ESR2: variants seen among roughly 807,000 people sequenced by gnomAD.
ESR2 encodes estrogen receptor 2.
In ESR2, 36 loss-of-function variants were observed where a neutral mutation model predicts 49.6. The ratio of observed to expected loss-of-function variants is 0.73; its 90% CI spans 0.56 to 0.96. ESR2 has a LOEUF of 0.96. Ranked by LOEUF, ESR2 falls within the 40% of genes least tolerant of loss-of-function variation. The pLI is 0.00. For synonymous variants in ESR2, 320 were observed against 266.1 expected (o/e 1.20, Z -1.97); for missense variants, 714 against 693.0 (o/e 1.03, Z -0.34).
At chr14:64,247,658 A>T (rs72548756) in intron 7 of ESR2, among the ~76,000 whole-genome samples, 1,822 of 152,322 alleles carry the variant, frequency 0.012, 19 homozygotes, top group Middle Eastern at 0.02. Flanking sequence ...GAAGAAAAAA[A>T]GTCAATAACC....
chr14:64,270,025 A>G lies in ESR2; in HGVS notation c.536-1114T>C, dbSNP rs574965342. On this transcript the variant is annotated intron_variant, in intron 3 of 8. Transcript: ENST00000341099. ...GGTTTGAGAAAGGGTTAAGAAATAG[A>G]AATTATAATAAAATAGATGAGAAGC... is the stretch of plus-strand genomic sequence containing the variant. Among the ~76,000 whole-genome samples the G allele has an allele frequency of 9.9e-4, 150 of 152,282 alleles. 1 individual carries two copies. The highest frequency in any genetic ancestry group is 3.4e-3 in the African/African-American group (143 of 41,560).
chr14:64,299,153 G>T (rs1445447759), upstream of ESR2, among the ~76,000 whole-genome samples: 1 of 143,314 alleles, frequency 7.0e-6, no homozygotes, highest in Non-Finnish European at 1.5e-5. Flanking sequence ...CCTGAAATGA[G>T]ATAAAAAAAA....
At chr14:64,332,723 C>A (rs1255662883) in intron 1 of ESR2, among the ~76,000 whole-genome samples, 1 of 149,360 alleles carries the variant, frequency 6.7e-6, no homozygotes, top group African/African-American at 2.5e-5. Flanking sequence ...TGACATGAAC[C>A]CAGGAGGCGG....
upstream of ESR2, chr14:64,297,408 C>T (rs1201246571): frequency 6.6e-6 from 1 of 152,168 alleles, no homozygotes. Flanking sequence ...TCCTCATCTT[C>T]TCACCCCACC....
chr14:64,255,558 T>G (rs570220590), intron 6 of ESR2, among the ~76,000 whole-genome samples: 1 of 152,218 alleles, frequency 6.6e-6, no homozygotes, highest in East Asian at 1.9e-4. Context: ...AGTTTGCCAT[T>G]TGGCAACCCC....
At chr14:64,328,158 G>A (rs1242360753) in intron 1 of ESR2, among the ~76,000 whole-genome samples, 2 of 152,078 alleles carry the variant, frequency 1.3e-5, no homozygotes, top group Non-Finnish European at 2.9e-5. Flanking sequence ...GGAGGTGGAG[G>A]TTGCAGTGAG....
intron 6 of ESR2, among the ~76,000 whole-genome samples, chr14:64,253,775 A>G (rs1388761495): frequency 2.0e-5 from 3 of 152,168 alleles, no homozygotes; most frequent in African/African-American, 7.2e-5. Context: ...CAAATAACTA[A>G]TGTGAATGTA....
At chr14:64,327,427 G>A (rs1156330602) in intron 1 of ESR2, among the ~76,000 whole-genome samples, 3 of 106,474 alleles carry the variant, frequency 2.8e-5, no homozygotes, top group African/African-American at 1.0e-4. Context: ...CAGGCACAGT[G>A]GCTCACGCCT....
At chr14:64,265,798 G>A (rs2076317924) in intron 4 of ESR2, among the ~76,000 whole-genome samples, 1 of 152,068 alleles carries the variant, frequency 6.6e-6, no homozygotes, top group Non-Finnish European at 1.5e-5. Flanking sequence ...AGAAGAAAAG[G>A]GTGATAACAG....
intron 1 of ESR2, among the ~76,000 whole-genome samples, chr14:64,287,712 A>C (rs117574598): frequency 6.6e-6 from 1 of 152,356 alleles, no homozygotes; most frequent in Non-Finnish European, 1.5e-5. Flanking sequence ...CCTCCTTTCT[A>C]CCAGAGGTCT....
intron 1 of ESR2, chr14:64,336,868 T>C (rs1182820241): frequency 1.3e-5 from 2 of 152,222 alleles, no homozygotes; most frequent in African/African-American, 4.8e-5. Flanking sequence ...CTTTCTTTCT[T>C]ATATCCTAAC....
chr14:64,292,639 CAT>C (rs1267810994), intron 1 of ESR2, among the ~76,000 whole-genome samples: 2 of 152,032 alleles, frequency 1.3e-5, no homozygotes, highest in Non-Finnish European at 2.9e-5. Flanking sequence ...ATATTTTATC[CAT>C]ATTTATATTC....
In ESR2 at chr14:64,268,791, TCACCA is replaced by T; in HGVS notation, c.651_652+3del. On this transcript the variant is annotated splice_donor_variant and splice_donor_region_variant and coding_sequence_variant and intron_variant, in exon 4 of 9. Transcript: ENST00000341099. LOFTEE classifies it high-confidence loss of function. ...ATTCAATAAGAAGGGAAGCAAGCAC[TCACCA>T]CACTTCACCATTCCCACTTCGTAAC... 6.3e-7 allele frequency: 1 copy of T among 1,576,648 alleles called. No homozygotes were observed. The highest frequency in any genetic ancestry group is 8.7e-7 in the Non-Finnish European group (1 of 1,146,210).
chr14:64,323,569 A>T (rs1184054674), intron 1 of ESR2, among the ~76,000 whole-genome samples: 2 of 152,210 alleles, frequency 1.3e-5, no homozygotes, highest in African/African-American at 4.8e-5. Flanking sequence ...ATTTGCATGG[A>T]TTAACCATTC....
rs1325132668 is a variant in ESR2, at chr14:64,254,844, C to A, written c.1091+2382G>T. Reference sequence around the variant, plus strand: ...GTCATTCCAAAAAAAAAAAAAAATGCCTGCTCAACATGAATGCATTTACAA... The same window carrying A: ...GTCATTCCAAAAAAAAAAAAAAATGACTGCTCAACATGAATGCATTTACAA... On this transcript the variant is annotated intron_variant, in intron 6 of 8. Coordinates refer to ENST00000341099, the MANE Select transcript of ESR2 (RefSeq NM_001437.3). Among the ~76,000 whole-genome samples, 5 of 148,774 alleles carry A rather than the reference C, an allele frequency of 3.4e-5. No individual in the cohort carries two copies. The South Asian group carries it at 1.1e-3, about 31-fold the overall frequency.
chr14:64,286,540 G>T (rs527654488), intron 1 of ESR2, among the ~76,000 whole-genome samples: 18 of 152,054 alleles, frequency 1.2e-4, no homozygotes, highest in Non-Finnish European at 2.5e-4. Context: ...GACCTCAAAT[G>T]ATCCACCCGC....
intron 7 of ESR2, among the ~76,000 whole-genome samples, chr14:64,236,886 C>G (rs2075614360): frequency 6.6e-6 from 1 of 151,966 alleles, no homozygotes; most frequent in Non-Finnish European, 1.5e-5. Flanking sequence ...TCTGCCTTGT[C>G]CCCACACACA....
intron 1 of ESR2, among the ~76,000 whole-genome samples, chr14:64,283,995 G>A (rs1021972812): frequency 7.3e-5 from 11 of 151,318 alleles, no homozygotes; most frequent in South Asian, 2.1e-4. Context: ...GCATGATCTC[G>A]GCTCACTGCA....
At chr14:64,289,266 A>G (rs559258435) in intron 1 of ESR2, among the ~76,000 whole-genome samples, 4 of 152,216 alleles carry the variant, frequency 2.6e-5, no homozygotes, top group African/African-American at 9.6e-5. Context: ...TAACCCCAGC[A>G]CTTTGGGAGG....
Sources: gnomAD v4.1 joint callset for allele counts (sites outside exome capture counted in the v4.1 genomes callset) on GRCh38, gnomAD v4.1.1 for gene constraint, MANE v1.5 for transcripts, NCBI Gene and HGNC (gene_info 2026-07-23, HGNC 2026-07-21) for gene names.